IL1RAPL1: variants seen among roughly 807,000 people sequenced by gnomAD.
The protein encoded by IL1RAPL1 is interleukin 1 receptor accessory protein like 1, also known as interleukin-1 receptor accessory protein-like 1.
IL1RAPL1 carries 3 observed loss-of-function variants against 48.4 expected under a neutral mutation model. That is an observed-to-expected ratio of 0.06 (90% CI 0.03 to 0.16). The LOEUF (loss-of-function observed/expected upper bound fraction) is 0.16. Ranked by LOEUF, IL1RAPL1 falls within the 10% of genes least tolerant of loss-of-function variation. The pLI is 1.00. For synonymous variants in IL1RAPL1, 185 were observed against 187.7 expected, an observed-to-expected ratio of 0.99 and a Z score of 0.12; for missense variants, 349 against 530.6, an observed-to-expected ratio of 0.66 and a Z score of 3.36.
At chrX:29,789,527 A>G (rs986419519) in intron 6 of IL1RAPL1, among the ~76,000 whole-genome samples, 2 of 112,114 alleles carry the variant, frequency 1.8e-5, no homozygotes, top group African/African-American at 6.5e-5. Flanking sequence ...ACTGGAAAAT[A>G]GAAAAAAATC....
intron 3 of IL1RAPL1, among the ~76,000 whole-genome samples, chrX:29,383,986 T>C (rs1435234188): frequency 1.8e-5 from 2 of 112,394 alleles, no homozygotes; most frequent in Non-Finnish European, 3.8e-5. Context: ...TGAACACTGT[T>C]ATTTGTAATA....
At chrX:29,026,443 A>G (rs1926488055) in intron 2 of IL1RAPL1, among the ~76,000 whole-genome samples, 1 of 111,305 alleles carries the variant, frequency 9.0e-6, no homozygotes, top group Admixed American at 9.7e-5. Flanking sequence ...GAGGAAGAGC[A>G]TTAGGACAAA....
At chrX:29,631,652 C>T (rs1831805840) in intron 5 of IL1RAPL1, among the ~76,000 whole-genome samples, 3 of 111,021 alleles carry the variant, frequency 2.7e-5, no homozygotes, top group South Asian at 7.7e-4. Flanking sequence ...ATAAATTAGC[C>T]GGGCATGGTG....
At chrX:28,646,452 T>C (rs1263429579) in intron 1 of IL1RAPL1, among the ~76,000 whole-genome samples, 1 of 112,527 alleles carries the variant, frequency 8.9e-6, no homozygotes. Flanking sequence ...TATATTACTG[T>C]ATCATTTTAC....
At chrX:29,807,945 G>A (rs1014308991) in intron 6 of IL1RAPL1, among the ~76,000 whole-genome samples, 9 of 111,586 alleles carry the variant, frequency 8.1e-5, no homozygotes, top group African/African-American at 2.9e-4. Flanking sequence ...AAATGCTAAA[G>A]TAATAAGATA....
At chrX:29,881,653 G>T (rs751950546) in intron 6 of IL1RAPL1, among the ~76,000 whole-genome samples, 3 of 110,617 alleles carry the variant, frequency 2.7e-5, no homozygotes, top group East Asian at 5.7e-4. Context: ...GGAGAATGGG[G>T]TATCCATCCC....
intron 5 of IL1RAPL1, among the ~76,000 whole-genome samples, chrX:29,537,236 C>T (rs1369423711): frequency 9.0e-6 from 1 of 110,832 alleles, no homozygotes; most frequent in Non-Finnish European, 1.9e-5. Flanking sequence ...TATTTTCTTT[C>T]ATGGCACCCT....
At position 29,000,045 on chromosome X, in the gene IL1RAPL1, C is replaced by T. The variant is rs569538599; in HGVS notation, c.82+210620C>T. Among the ~76,000 whole-genome samples the T allele has an allele frequency of 4.5e-5, 5 of 111,384 alleles. No homozygotes were observed. The South Asian group carries it at 1.5e-3, about 34-fold the overall frequency. On this transcript the variant is annotated intron_variant, in intron 2 of 10. Coordinates refer to ENST00000378993, the MANE Select transcript of IL1RAPL1 (RefSeq NM_014271.4). ...CTGCTGCTCTTAAGGAAAGAGTCTG[C>T]TGCTTGCTACAAGATAGCAGAAATT...
intron 6 of IL1RAPL1, among the ~76,000 whole-genome samples, chrX:29,826,020 T>C (rs772668419): frequency 6.2e-4 from 69 of 111,225 alleles, no homozygotes; most frequent in Non-Finnish European, 1.1e-3. Context: ...TTTATAAATG[T>C]GGAAGTTGAG....
At chrX:29,160,516 C>A (rs1247868958) in intron 2 of IL1RAPL1, among the ~76,000 whole-genome samples, 1 of 111,765 alleles carries the variant, frequency 8.9e-6, no homozygotes, top group Non-Finnish European at 1.9e-5. Flanking sequence ...CTACTATTTT[C>A]TGAATATGTA....
At chrX:29,716,696 G>A (rs575739108) in intron 6 of IL1RAPL1, among the ~76,000 whole-genome samples, 9 of 111,542 alleles carry the variant, frequency 8.1e-5, no homozygotes, top group Admixed American at 2.9e-4. Context: ...TGAATTAAAC[G>A]TATTCCAAGT....
chrX:29,217,218 A>G (rs1200442987), intron 2 of IL1RAPL1, among the ~76,000 whole-genome samples: 1 of 112,222 alleles, frequency 8.9e-6, no homozygotes, highest in Admixed American at 9.5e-5. Flanking sequence ...ATTTTACTCC[A>G]CTTTGATAAA....
chrX:28,935,080 A>G (rs1414478049), intron 2 of IL1RAPL1, among the ~76,000 whole-genome samples: 1 of 111,262 alleles, frequency 9.0e-6, no homozygotes, highest in African/African-American at 3.3e-5. Context: ...CTGTGGATTT[A>G]TTTCACTTTC....
chrX:29,258,274 T>C (rs1931790044), intron 2 of IL1RAPL1, among the ~76,000 whole-genome samples: 1 of 111,152 alleles, frequency 9.0e-6, no homozygotes, highest in Non-Finnish European at 1.9e-5. Context: ...ATATAACATA[T>C]CGAACAATTT....
chrX:29,864,651 A>G (rs1172694864), intron 6 of IL1RAPL1, among the ~76,000 whole-genome samples: 1 of 111,670 alleles, frequency 9.0e-6, no homozygotes. Context: ...TGTACATTTG[A>G]TTACCATTTT....
rs190899655 is a variant in IL1RAPL1 at position 29,096,368 on chromosome X, A to G, written c.83-186570A>G. 6.4e-3 allele frequency among the ~76,000 whole-genome samples: 715 copies of G among 112,376 alleles called. 6 individuals carry two copies. The highest frequency in any genetic ancestry group is 9.9e-3 in the Non-Finnish European group (526 of 53,165). On this transcript the variant is annotated intron_variant, in intron 2 of 10. Coordinates refer to ENST00000378993, the MANE Select transcript of IL1RAPL1 (RefSeq NM_014271.4). ...ATATAGCTATACAATTAGTCTATGT[A>G]TATTAATGTAAATATAATTTCATTA... is the stretch of plus-strand genomic sequence containing the variant.
intron 2 of IL1RAPL1, among the ~76,000 whole-genome samples, chrX:29,159,010 T>C (rs1259989027): frequency 1.0e-5 from 1 of 98,149 alleles, no homozygotes; most frequent in East Asian, 3.3e-4. Context: ...TCCTCTTCTT[T>C]TTTTTTGAGA....
chrX:29,622,581 G>C (rs1393788117), intron 5 of IL1RAPL1, among the ~76,000 whole-genome samples: 1 of 111,482 alleles, frequency 9.0e-6, no homozygotes, highest in Non-Finnish European at 1.9e-5. Flanking sequence ...TTTGAATCTG[G>C]GGCTCCAGTT....
chrX:29,589,882 C>G (rs771713398), intron 5 of IL1RAPL1, among the ~76,000 whole-genome samples: 6 of 111,013 alleles, frequency 5.4e-5, no homozygotes, highest in Non-Finnish European at 1.1e-4. Context: ...GTGCTGGCAT[C>G]TGCTCGGCTT....
Sources: gnomAD v4.1 joint callset for allele counts (sites outside exome capture counted in the v4.1 genomes callset) on GRCh38, gnomAD v4.1.1 for gene constraint, MANE v1.5 for transcripts, NCBI Gene and HGNC (gene_info 2026-07-23, HGNC 2026-07-21) for gene names.